CAMK2A: variants seen among roughly 807,000 people sequenced by gnomAD.
The protein encoded by CAMK2A is calcium/calmodulin-dependent protein kinase type II subunit alpha.
CAMK2A carries 7 observed loss-of-function variants against 79.2 expected under a neutral mutation model. That is an observed-to-expected ratio of 0.09 (90% CI 0.05 to 0.17). The LOEUF (loss-of-function observed/expected upper bound fraction) is 0.17. Among genes scored for constraint, CAMK2A ranks in the 10% least tolerant of loss-of-function variants. The probability of loss-of-function intolerance (pLI) is 1.00; values close to 1 mark genes in which losing one functional copy is unlikely to be tolerated. For synonymous variants in CAMK2A, 242 were observed against 251.7 expected (o/e 0.96, Z 0.36); for missense variants, 214 against 646.4 (o/e 0.33, Z 7.25).
Position 150,250,947 on chromosome 5 carries a change from G to A in CAMK2A, c.694-137C>T, listed in dbSNP as rs551092776. On this transcript the variant is annotated intron_variant, in intron 9 of 18. Coordinates refer to ENST00000671881, the MANE Select transcript of CAMK2A (RefSeq NM_015981.4). ...GGACATCCACACCAGGAGGAGTTGGGGCTCCTCACTGCAGGGGAGGGCCCT... is the reference window on the plus strand; with the variant it reads ...GGACATCCACACCAGGAGGAGTTGGAGCTCCTCACTGCAGGGGAGGGCCCT... 6 of 964,382 alleles carry A rather than the reference G, an allele frequency of 6.2e-6. No homozygotes were observed. In the African/African-American group the frequency reaches 9.7e-5, roughly 16 times the overall value. 59.7% of individuals were successfully genotyped at this position (964,382 alleles called of 1,614,324 possible). A position where few individuals can be genotyped will look rare whatever the true frequency, so the allele number is the denominator to read the frequency against.
rs1327984517 is a variant in CAMK2A at position 150,220,716 on chromosome 5, T to C, written c.*1994A>G. ...CTGGGGCAGGCCAAGAGCCTGCCCC[T>C]GGGCCTGGGCAGCAAGGTCTCTGCC... On this transcript the variant is annotated 3_prime_UTR_variant, in exon 19 of 19. Transcript: ENST00000671881. 2 of 151,656 alleles carry C rather than the reference T, an allele frequency of 1.3e-5. No homozygotes were observed. Among genetic ancestry groups the C allele is most frequent in the African/African-American group, 2.4e-5 (1 of 41,300 alleles). 9.4% of individuals were successfully genotyped at this position (151,656 alleles called of 1,614,324 possible). A position where few individuals can be genotyped will look rare whatever the true frequency, so the allele number is the denominator to read the frequency against.
At chr5:150,276,719 C>G (rs770808571) in intron 1 of CAMK2A, among the ~76,000 whole-genome samples, 2 of 152,144 alleles carry the variant, frequency 1.3e-5, no homozygotes, top group African/African-American at 4.8e-5. Context: ...AGCTGGGTCT[C>G]GTCCTGCTCA....
intron 17 of CAMK2A, among the ~76,000 whole-genome samples, chr5:150,225,327 G>T (rs1051688815): frequency 5.9e-5 from 9 of 152,128 alleles, no homozygotes; most frequent in Non-Finnish European, 1.2e-4. Context: ...CTGTGCATAG[G>T]GTGGGAGAGA....
At chr5:150,240,714 C>A (rs1200857439) in intron 13 of CAMK2A, among the ~76,000 whole-genome samples, 1 of 152,222 alleles carries the variant, frequency 6.6e-6, no homozygotes, top group South Asian at 2.1e-4. Context: ...CAGTGGCCTG[C>A]ACAAGGCCTC....
At chr5:150,234,371 C>A (rs1034857397) in intron 15 of CAMK2A, among the ~76,000 whole-genome samples, 1 of 152,156 alleles carries the variant, frequency 6.6e-6, no homozygotes, top group Non-Finnish European at 1.5e-5. Context: ...TGGATTCTGG[C>A]TATGCCACTT....
At chr5:150,252,150 G>T (rs1755864606) in intron 7 of CAMK2A, 85 bp from the exon 8 acceptor site, 1 of 1,038,280 alleles carries the variant, frequency 9.6e-7, no homozygotes, top group Non-Finnish European at 1.5e-6. Context: ...TGGAAGAGGG[G>T]ATGAGGATTG....
At chr5:150,272,984 T>A in intron 2 of CAMK2A, 81 bp downstream of exon 2, 2 of 1,101,778 alleles carry the variant, frequency 1.8e-6, no homozygotes, top group Non-Finnish European at 2.8e-6. Context: ...CAGCCCTGGA[T>A]CCTGGTCTAA....
At chr5:150,264,445 A>G (rs557613307) in intron 3 of CAMK2A, among the ~76,000 whole-genome samples, 14 of 152,304 alleles carry the variant, frequency 9.2e-5, no homozygotes, top group Admixed American at 9.1e-4. Flanking sequence ...GCCCATCCCC[A>G]CGGGTTCTGC....
rs73268710 is a variant in CAMK2A, at chr5:150,257,568, G to A, written c.267C>T (p.Phe89=). 25 of 1,567,910 alleles carry A rather than the reference G, an allele frequency of 1.6e-5. No individual in the cohort carries two copies. The African/African-American group carries it at 2.8e-4, about 18-fold the overall frequency. The change falls in exon 4 of 19, where the codon TTC becomes TTT. Residue 89 remains phenylalanine (F), a synonymous_variant. Coordinates refer to ENST00000671881, the MANE Select transcript of CAMK2A (RefSeq NM_015981.4). The stretch of plus-strand genomic sequence containing the variant: ...CAGGGCGGGGCCAAACTCACAGGTC[G>A]AAGATCAGGTAGTGGTGTCCCTCCT... The part of the protein sequence containing the change: ...ISEEGHHYLI[F]DLVTGGELFE...
intron 1 of CAMK2A, among the ~76,000 whole-genome samples, chr5:150,279,234 T>C (rs1757107139): frequency 6.6e-6 from 1 of 152,170 alleles, no homozygotes; most frequent in African/African-American, 2.4e-5. Flanking sequence ...GAGCACCAAA[T>C]TTCTTATTTT....
In CAMK2A at chr5:150,257,626, G is replaced by A. The variant is rs920195635; in HGVS notation, c.218-9C>T. The A allele has an allele frequency of 1.3e-5, 21 of 1,563,226 alleles. No homozygotes were observed. The highest frequency in any genetic ancestry group is 5.4e-5 in the African/African-American group (4 of 73,412). On this transcript the variant is annotated splice_polypyrimidine_tract_variant and intron_variant, in intron 3 of 18. Transcript: ENST00000671881. The stretch of plus-strand genomic sequence containing the variant: ...GCTGTCATGTAGTCGGACTGTGGGC[G>A]GGGCAAGGCAGTTGGTTACAGTGGG...
Position 150,250,613 on chromosome 5 carries a change from G to A in CAMK2A, c.816+75C>T. 1.9e-6 allele frequency: 3 copies of A among 1,585,354 alleles called. No individual in the cohort carries two copies. In the East Asian group the frequency reaches 6.7e-5, roughly 36 times the overall value. On this transcript the variant is annotated intron_variant, in intron 10 of 18. Coordinates refer to ENST00000671881, the MANE Select transcript of CAMK2A (RefSeq NM_015981.4). ...CTTGGCCCCATGGGCCAGGGGAAGG[G>A]CCAGAACTCTGTGGGGGCCTGGATC... is the stretch of plus-strand genomic sequence containing the variant.
intron 3 of CAMK2A, among the ~76,000 whole-genome samples, chr5:150,257,902 T>C (rs1756131233): frequency 6.6e-6 from 1 of 152,226 alleles, no homozygotes; most frequent in African/African-American, 2.4e-5. Context: ...GTTTGGTTGC[T>C]GGGCAGGCCC....
intron 1 of CAMK2A, among the ~76,000 whole-genome samples, chr5:150,287,937 CTGTGTGTGTG>C (rs57886187): frequency 0.04 from 5,665 of 140,866 alleles, 131 homozygotes; most frequent in Non-Finnish European, 0.058. Context: ...AGGATAGCCT[CTGTGTGTGTG>C]TGTGTGTGTG....
chr5:150,248,186 C>T (rs1157922964), intron 11 of CAMK2A, among the ~76,000 whole-genome samples: 2 of 152,064 alleles, frequency 1.3e-5, no homozygotes, highest in Non-Finnish European at 2.9e-5. Context: ...ACCTCGTGTC[C>T]CCCAACCCCT....
intron 12 of CAMK2A, among the ~76,000 whole-genome samples, chr5:150,246,991 G>A (rs1233848714): frequency 6.6e-6 from 1 of 152,218 alleles, no homozygotes; most frequent in East Asian, 1.9e-4. Context: ...GCGCTCCCCA[G>A]AAGGAAGCCT....
chr5:150,273,550 G>A (rs1756836499), intron 1 of CAMK2A, among the ~76,000 whole-genome samples: 2 of 152,190 alleles, frequency 1.3e-5, no homozygotes, highest in African/African-American at 4.8e-5. Context: ...GGTATAGGTA[G>A]TAAAATGACC....
rs776413047 is a variant in CAMK2A, at chr5:150,273,029, C to G, written c.157+36G>C. On this transcript the variant is annotated intron_variant, in intron 2 of 18. Coordinates refer to ENST00000671881, the MANE Select transcript of CAMK2A (RefSeq NM_015981.4). ...TACAGGTAAGGGGAGAGAGGAGAGC[C>G]CTGGAGGGTGGGCAGGGTAGAAATC... 3 of 1,522,718 alleles carry G rather than the reference C, an allele frequency of 2.0e-6. No individual in the cohort carries two copies. The African/African-American group carries it at 4.1e-5, about 21-fold the overall frequency. The allele number at this position is 1,522,718 out of a possible 1,614,324, so 94.3% of individuals were successfully genotyped here. A position where few individuals can be genotyped will look rare whatever the true frequency, so the allele number is the denominator to read the frequency against.
intron 3 of CAMK2A, among the ~76,000 whole-genome samples, chr5:150,260,320 G>A (rs991765365): frequency 5.9e-5 from 9 of 152,156 alleles, no homozygotes; most frequent in Non-Finnish European, 1.2e-4. Flanking sequence ...TTAGCCAGGC[G>A]TGGTGGTGGG....
Sources: allele counts gnomAD v4.1 joint callset (sites outside exome capture counted in the v4.1 genomes callset), GRCh38; gene constraint gnomAD v4.1.1; transcripts MANE v1.5; gene names NCBI Gene and HGNC (gene_info 2026-07-23, HGNC 2026-07-21).